The following CHRM2 variants were observed in gnomAD, a reference collection of about 807,000 sequenced individuals.
CHRM2 encodes muscarinic acetylcholine receptor M2.
CHRM2 carries 8 observed loss-of-function variants against 25.0 expected under a neutral mutation model. The observed-to-expected ratio is 0.32, with a 90% CI of 0.19 to 0.58. The LOEUF is 0.58. Ranked by LOEUF, CHRM2 falls within the 20% of genes least tolerant of loss-of-function variation. The pLI is 0.88. For synonymous variants in CHRM2, 202 were observed against 205.7 expected (o/e 0.98, Z 0.15); for missense variants, 440 against 567.1 (o/e 0.78, Z 2.28).
intron 2 of CHRM2, among the ~76,000 whole-genome samples, chr7:136,872,674 A>G (rs947856446): frequency 1.3e-5 from 2 of 152,206 alleles, no homozygotes; most frequent in African/African-American, 4.8e-5. Context: ...ACTGTCTTCA[A>G]TGGAAGTTAG....
At chr7:136,966,371 G>T (rs1259105924) in intron 2 of CHRM2, among the ~76,000 whole-genome samples, 1 of 151,882 alleles carries the variant, frequency 6.6e-6, no homozygotes. Flanking sequence ...TTTATATGGT[G>T]AACTTAAAAG....
chr7:136,983,536 C>T (rs1014187649), intron 2 of CHRM2, among the ~76,000 whole-genome samples: 5 of 152,112 alleles, frequency 3.3e-5, no homozygotes, highest in African/African-American at 1.2e-4. Flanking sequence ...AATGTTCAGC[C>T]TTTTTGCACT....
rs1800090144 is a variant in CHRM2 at position 136,946,633 on chromosome 7, A to G, written c.-124-45554A>G. Among the ~76,000 whole-genome samples the G allele has an allele frequency of 2.0e-5, 3 of 152,310 alleles. No individual in the cohort carries two copies. In the South Asian group the frequency reaches 6.2e-4, roughly 32 times the overall value. On this transcript the variant is annotated intron_variant, in intron 2 of 3. Coordinates refer to ENST00000680005, the MANE Select transcript of CHRM2 (RefSeq NM_001006630.2). ...AATACACTCCCAATACAGAATGTAT[A>G]CTTTAGCTTAATACCTGTATTTTCT...
At chr7:136,978,024 T>C (rs1802222360) in intron 2 of CHRM2, among the ~76,000 whole-genome samples, 2 of 95,656 alleles carry the variant, frequency 2.1e-5, no homozygotes, top group Non-Finnish European at 4.7e-5. Flanking sequence ...CTTATTTTTG[T>C]TGAAACTTAA....
At chr7:136,949,429 C>A (rs1318525827) in intron 2 of CHRM2, among the ~76,000 whole-genome samples, 2 of 132,262 alleles carry the variant, frequency 1.5e-5, no homozygotes, top group Non-Finnish European at 3.2e-5. Flanking sequence ...CCAGATTGGG[C>A]AACATAACAA....
chr7:136,908,732 T>C (rs1395608634), intron 2 of CHRM2, among the ~76,000 whole-genome samples: 1 of 151,968 alleles, frequency 6.6e-6, no homozygotes, highest in Non-Finnish European at 1.5e-5. Context: ...AATTAATTTA[T>C]CTATAAATTT....
At chr7:136,976,478 G>T (rs985015407) in intron 2 of CHRM2, among the ~76,000 whole-genome samples, 3 of 151,988 alleles carry the variant, frequency 2.0e-5, no homozygotes, top group South Asian at 2.1e-4. Flanking sequence ...TTCCAGATTT[G>T]CAAACCAAGA....
chr7:136,945,444 A>G (rs1346417417), intron 2 of CHRM2, among the ~76,000 whole-genome samples: 2 of 152,034 alleles, frequency 1.3e-5, no homozygotes, highest in African/African-American at 2.4e-5. Context: ...ATTTTTCCAC[A>G]TGTGGCTTGC....
chr7:136,968,721 AAT>A (rs57962090), intron 2 of CHRM2, among the ~76,000 whole-genome samples: 1,738 of 142,444 alleles, frequency 0.012, 26 homozygotes, highest in African/African-American at 0.034. Context: ...TATTATCATA[AAT>A]ATATATATAT....
chr7:137,018,501 A>G lies in CHRM2; in HGVS notation c.*2235A>G, dbSNP rs1319179370. On this transcript the variant is annotated 3_prime_UTR_variant, in exon 4 of 4. Coordinates refer to ENST00000680005, the MANE Select transcript of CHRM2 (RefSeq NM_001006630.2). ...GGCTCCTCGAGTTTCTGAAAACCAG[A>G]GAATTGACTAGCCAAGTATTTCCCT... 1.3e-5 allele frequency: 2 copies of G among 151,960 alleles called. No individual in the cohort carries two copies. 9.4% of individuals were successfully genotyped at this position (151,960 alleles called of 1,614,324 possible).
At chr7:136,929,399 A>G (rs1055169487) in intron 2 of CHRM2, among the ~76,000 whole-genome samples, 2 of 151,974 alleles carry the variant, frequency 1.3e-5, no homozygotes, top group African/African-American at 4.8e-5. Context: ...TTTCACTGCC[A>G]ATTCAGGGGA....
chr7:136,934,429 A>G (rs1799296583), intron 2 of CHRM2, among the ~76,000 whole-genome samples: 1 of 152,148 alleles, frequency 6.6e-6, no homozygotes, highest in African/African-American at 2.4e-5. Context: ...TCTGTAGTCC[A>G]TCTCTCTTTA....
In CHRM2 at chr7:136,875,160, TTA is replaced by T. The variant is rs370257300; in HGVS notation, c.-125+5758_-125+5759del. Among the ~76,000 whole-genome samples the T allele has an allele frequency of 7.0e-3, 1,040 of 147,602 alleles. 4 individuals carry two copies. The highest frequency in any genetic ancestry group is 0.014 in the African/African-American group (584 of 40,546). ...ACACACACATACACACACATGAATT[TTA>T]TATATATATATATATCTCCAGCAAG... On this transcript the variant is annotated intron_variant, in intron 2 of 3. Transcript: ENST00000680005.
intron 2 of CHRM2, chr7:136,871,639 A>AT (rs1304931901): frequency 1.3e-5 from 2 of 152,450 alleles, no homozygotes; most frequent in Admixed American, 1.3e-4. Context: ...AGATGATGGT[A>AT]TTTTTAAACA....
At chr7:136,931,787 C>T (rs1291071581) in intron 2 of CHRM2, among the ~76,000 whole-genome samples, 1 of 152,202 alleles carries the variant, frequency 6.6e-6, no homozygotes, top group Non-Finnish European at 1.5e-5. Flanking sequence ...TCAATTTTTA[C>T]TTCCAGAGAG....
At chr7:137,000,005 T>C (rs1803877783) in intron 3 of CHRM2, among the ~76,000 whole-genome samples, 1 of 152,090 alleles carries the variant, frequency 6.6e-6, no homozygotes, top group South Asian at 2.1e-4. Context: ...GTTTTCTAAA[T>C]AACAGAAAGT....
chr7:136,968,489 A>C (rs188723248), intron 2 of CHRM2, among the ~76,000 whole-genome samples: 21 of 151,986 alleles, frequency 1.4e-4, no homozygotes, highest in Admixed American at 1.1e-3. Flanking sequence ...AAAACTAAAA[A>C]TGCAATTACC....
chr7:136,900,271 C>G (rs1271820358), intron 2 of CHRM2, among the ~76,000 whole-genome samples: 1 of 152,106 alleles, frequency 6.6e-6, no homozygotes, highest in Non-Finnish European at 1.5e-5. Context: ...AACAAAGACC[C>G]TTAAACAGTT....
chr7:136,970,302 C>T (rs1183604731), intron 2 of CHRM2, among the ~76,000 whole-genome samples: 2 of 152,038 alleles, frequency 1.3e-5, no homozygotes, highest in Non-Finnish European at 2.9e-5. Flanking sequence ...TCTCCCTTAC[C>T]TAATCCTTCT....
Sources: gnomAD v4.1 joint callset for allele counts (sites outside exome capture counted in the v4.1 genomes callset) on GRCh38, gnomAD v4.1.1 for gene constraint, MANE v1.5 for transcripts, NCBI Gene and HGNC (gene_info 2026-07-23, HGNC 2026-07-21) for gene names.